The following ZSWIM6 variants were observed in gnomAD, a reference collection of about 807,000 sequenced individuals.
ZSWIM6 encodes the protein zinc finger SWIM domain-containing protein 6.
ZSWIM6 carries 9 observed loss-of-function variants against 113.2 expected under a neutral mutation model. The ratio of observed to expected loss-of-function variants is 0.08; its 90% CI spans 0.05 to 0.14. The LOEUF is 0.14. Ranked by LOEUF, ZSWIM6 falls within the 10% of genes least tolerant of loss-of-function variation. The pLI is 1.00. For synonymous variants in ZSWIM6, 611 were observed against 606.5 expected (o/e 1.01, Z -0.11); for missense variants, 1,162 against 1,552.2 (o/e 0.75, Z 4.22).
chr5:61,529,921 G>T (rs1749385492), intron 7 of ZSWIM6, 131 bp from the exon 8 acceptor site: 2 of 776,910 alleles, frequency 2.6e-6, no homozygotes, highest in African/African-American at 1.7e-5. Context: ...AATTAAAAGA[G>T]AATTTCGAAC....
At chr5:61,514,904 C>T (rs568375922) in intron 4 of ZSWIM6, among the ~76,000 whole-genome samples, 3 of 152,186 alleles carry the variant, frequency 2.0e-5, no homozygotes, top group East Asian at 3.9e-4. Context: ...GGAACCCTTC[C>T]CTCCTCTTCC....
At position 61,375,162 on chromosome 5, in the gene ZSWIM6, G is replaced by A; in HGVS notation, c.676+42214G>A. ...CCTATATGAACCCAATAGCAATGGC[G>A]AGATCAAGGGGTCCAATCCAGTCTT... On this transcript the variant is annotated intron_variant, in intron 1 of 13. Coordinates refer to ENST00000252744, the MANE Select transcript of ZSWIM6 (RefSeq NM_020928.2). 3.1e-6 allele frequency: 5 copies of A among 1,613,174 alleles called. No homozygotes were observed. In the East Asian group the frequency reaches 6.7e-5, roughly 22 times the overall value.
intron 1 of ZSWIM6, among the ~76,000 whole-genome samples, chr5:61,431,740 G>A (rs557766702): frequency 2.0e-5 from 3 of 151,934 alleles, no homozygotes; most frequent in East Asian, 1.9e-4. Context: ...GTGAGACTCC[G>A]TCTCAAAAAA....
At position 61,525,945 on chromosome 5, in the gene ZSWIM6, C is replaced by T. The variant is rs373154639; in HGVS notation, c.1659C>T (p.Leu553=). Residue 553 remains leucine, a synonymous_variant, in exon 6 of 14, where the codon CTC becomes CTT. Coordinates refer to ENST00000252744, the MANE Select transcript of ZSWIM6 (RefSeq NM_020928.2). ...ACCATGACGACACTGAAAACTCCCT[C>T]TTCGACTCCCGCGGGTGGCCCCTCT... ...YCYHDDTENS[L]FDSRGWPLWH... The T allele has an allele frequency of 6.0e-5, 93 of 1,552,064 alleles. 1 individual carries two copies. In the African/African-American group the frequency reaches 1.0e-3, roughly 17 times the overall value.
chr5:61,533,501 C>G (rs1056697095), intron 9 of ZSWIM6, among the ~76,000 whole-genome samples: 2 of 152,172 alleles, frequency 1.3e-5, no homozygotes, highest in Non-Finnish European at 2.9e-5. Flanking sequence ...TGCCAAATAT[C>G]AAGTTGTCAT....
chr5:61,486,189 T>C (rs532446456), intron 2 of ZSWIM6, among the ~76,000 whole-genome samples: 1 of 152,298 alleles, frequency 6.6e-6, no homozygotes, highest in Non-Finnish European at 1.5e-5. Context: ...CTGCCACTTA[T>C]CAGTGAGAAT....
intron 1 of ZSWIM6, among the ~76,000 whole-genome samples, chr5:61,346,631 T>C (rs185670702): frequency 7.9e-5 from 12 of 152,366 alleles, no homozygotes; most frequent in African/African-American, 2.2e-4. Context: ...ACATGCCTTA[T>C]TAAAACCAAA....
intron 1 of ZSWIM6, among the ~76,000 whole-genome samples, chr5:61,454,510 G>T (rs1189430330): frequency 6.6e-6 from 1 of 150,732 alleles, no homozygotes; most frequent in African/African-American, 2.4e-5. Flanking sequence ...TGATCTTCCT[G>T]CCTTGTCCTC....
intron 4 of ZSWIM6, among the ~76,000 whole-genome samples, chr5:61,500,461 C>A (rs1748435739): frequency 6.6e-6 from 1 of 152,026 alleles, no homozygotes. Context: ...GCCTCTCTTC[C>A]AGGTAGTCTC....
At chr5:61,377,135 G>A (rs1208207018) in intron 1 of ZSWIM6, among the ~76,000 whole-genome samples, 1 of 152,120 alleles carries the variant, frequency 6.6e-6, no homozygotes, top group Non-Finnish European at 1.5e-5. Flanking sequence ...ACAGGAACCT[G>A]GAGACTGCAG....
Position 61,525,901 on chromosome 5 carries a change from C to T in ZSWIM6, c.1615C>T (p.Leu539=). 8.4e-6 allele frequency: 13 copies of T among 1,552,156 alleles called. No individual in the cohort carries two copies. Among genetic ancestry groups the T allele is most frequent in the Non-Finnish European group, 9.6e-6 (11 of 1,147,072 alleles). ...SHLQHIISSD[L]YTNYCYHDDT... ...CTTGCAGCACATTATCAGCAGTGAC[C>T]TATACACCAACTACTGTTACCATGA... Residue 539 remains leucine (L), a synonymous_variant, in exon 6 of 14, where the codon CTA becomes TTA. Coordinates refer to ENST00000252744, the MANE Select transcript of ZSWIM6 (RefSeq NM_020928.2).
chr5:61,350,261 C>G (rs1184967179), intron 1 of ZSWIM6, among the ~76,000 whole-genome samples: 1 of 152,144 alleles, frequency 6.6e-6, no homozygotes, highest in Non-Finnish European at 1.5e-5. Context: ...ATAATAAAGT[C>G]TATGGTTACC....
At chr5:61,424,640 C>T (rs2112128384) in intron 1 of ZSWIM6, among the ~76,000 whole-genome samples, 1 of 152,096 alleles carries the variant, frequency 6.6e-6, no homozygotes, top group South Asian at 2.1e-4. Flanking sequence ...GTAGCCCACT[C>T]ATGCTATGGA....
At chr5:61,485,257 A>C (rs1008811143) in intron 2 of ZSWIM6, among the ~76,000 whole-genome samples, 3 of 151,854 alleles carry the variant, frequency 2.0e-5, no homozygotes, top group African/African-American at 7.3e-5. Context: ...GGTCTCTCCA[A>C]CTCTTCCTAA....
At chr5:61,451,254 T>G (rs182454275) in intron 1 of ZSWIM6, among the ~76,000 whole-genome samples, 1 of 152,318 alleles carries the variant, frequency 6.6e-6, no homozygotes, top group Admixed American at 6.5e-5. Context: ...CTTCAGGAAG[T>G]CAGGATACCA....
chr5:61,539,383 C>T (rs528112109), intron 11 of ZSWIM6, among the ~76,000 whole-genome samples: 6 of 152,162 alleles, frequency 3.9e-5, no homozygotes, highest in African/African-American at 4.8e-5. Flanking sequence ...TTTGTGAAGC[C>T]GAGATTCACA....
chr5:61,420,512 A>T (rs1746334066), intron 1 of ZSWIM6, among the ~76,000 whole-genome samples: 1 of 151,804 alleles, frequency 6.6e-6, no homozygotes. Flanking sequence ...TTGATATCAC[A>T]GTGAATTGGG....
At chr5:61,475,868 C>T (rs1403107433) in intron 2 of ZSWIM6, among the ~76,000 whole-genome samples, 1 of 152,182 alleles carries the variant, frequency 6.6e-6, no homozygotes, top group African/African-American at 2.4e-5. Flanking sequence ...AAGCCACTCT[C>T]TTTTAAGAAA....
chr5:61,352,888 C>T (rs1744822078), intron 1 of ZSWIM6, among the ~76,000 whole-genome samples: 1 of 152,128 alleles, frequency 6.6e-6, no homozygotes, highest in Admixed American at 6.5e-5. Flanking sequence ...ATGCATAGGT[C>T]AGTTCTCTTC....
Sources: gnomAD v4.1 joint callset for allele counts (sites outside exome capture counted in the v4.1 genomes callset) on GRCh38, gnomAD v4.1.1 for gene constraint, MANE v1.5 for transcripts, NCBI Gene and HGNC (gene_info 2026-07-23, HGNC 2026-07-21) for gene names.